The following UBE2O variants were observed in gnomAD, a reference collection of about 807,000 sequenced individuals.
UBE2O encodes ubiquitin conjugating enzyme E2 O.
In UBE2O, 15 loss-of-function variants were observed where a neutral mutation model predicts 125.8. The observed-to-expected ratio is 0.12, with a 90% CI of 0.08 to 0.18. UBE2O has a LOEUF of 0.18. Among genes scored for constraint, UBE2O ranks in the 10% least tolerant of loss-of-function variants. The pLI is 1.00. For missense variants in UBE2O, 1,280 were observed against 1,723.6 expected (o/e 0.74, Z 4.56); for synonymous variants, 708 against 703.2 (o/e 1.01, Z -0.11).
rs116822421 is a variant in UBE2O, at chr17:76,403,988, A to G, written c.588+1218T>C. 7.0e-3 allele frequency among the ~76,000 whole-genome samples: 1,069 copies of G among 152,328 alleles called. 11 individuals carry two copies. Among genetic ancestry groups the G allele is most frequent in the African/African-American group, 0.023 (976 of 41,566 alleles). On this transcript the variant is annotated intron_variant, in intron 3 of 17. Transcript: ENST00000319380. ...ACCAATGAATAAAACAGAAATCTCTAAGTCCATACTGATAAAAAAAAAGAA... is the reference window on the plus strand; with the variant it reads ...ACCAATGAATAAAACAGAAATCTCTGAGTCCATACTGATAAAAAAAAAGAA...
Position 76,404,876 on chromosome 17 carries a change from G to T in UBE2O, c.588+330C>A, listed in dbSNP as rs964297764. ...GGGACACAGGAATTTACAACTTTTG[G>T]TAAGTTTGAAATCATTAAAAAAATA... On this transcript the variant is annotated intron_variant, in intron 3 of 17. Transcript: ENST00000319380. This position sits in a 1 kb window ranked among gnomAD's most constrained non-coding sequence, Gnocchi z 4.3. Among the ~76,000 whole-genome samples the T allele has an allele frequency of 2.0e-5, 3 of 152,118 alleles. No individual in the cohort carries two copies. Among genetic ancestry groups the T allele is most frequent in the African/African-American group, 4.8e-5 (2 of 41,434 alleles).
chr17:76,436,795 T>C (rs1052297451), intron 1 of UBE2O, among the ~76,000 whole-genome samples: 2 of 151,956 alleles, frequency 1.3e-5, no homozygotes, highest in African/African-American at 4.8e-5. Flanking sequence ...TAGGACAGAG[T>C]ATAAAATGGG....
At chr17:76,451,783 T>G (rs1172011972) in intron 1 of UBE2O, among the ~76,000 whole-genome samples, 1 of 150,128 alleles carries the variant, frequency 6.7e-6, no homozygotes. Context: ...CAGGGGGGTG[T>G]GTGTGTGTGT....
chr17:76,413,550 GT>G (rs2072551596), intron 1 of UBE2O, among the ~76,000 whole-genome samples: 1 of 152,202 alleles, frequency 6.6e-6, no homozygotes, highest in African/African-American at 2.4e-5. Flanking sequence ...AACCCGTTCA[GT>G]TGCATATATA....
At chr17:76,427,270 T>C (rs2072827844) in intron 1 of UBE2O, among the ~76,000 whole-genome samples, 1 of 152,254 alleles carries the variant, frequency 6.6e-6, no homozygotes, top group Non-Finnish European at 1.5e-5. Flanking sequence ...TGAGAATTTA[T>C]GCTATTTGCT....
Position 76,399,474 on chromosome 17 carries a change from T to G in UBE2O, c.1603A>C (p.Thr535Pro), listed in dbSNP as rs560787739. 1 of 1,613,878 alleles carries G rather than the reference T, an allele frequency of 6.2e-7. No homozygotes were observed. The highest frequency in any genetic ancestry group is 1.3e-5 in the African/African-American group (1 of 74,962). Residue 535 changes from threonine (T) to proline (P), a missense_variant, in exon 9 of 18, where the codon ACT (threonine) becomes CCT (proline). Thr to Pro is a conservative substitution (Grantham distance 38). Around this residue, in one of 10 missense-constraint regions of UBE2O, gnomAD observed 145 missense variants for 219.6 expected, o/e 0.66. Transcript: ENST00000319380. This position sits in a 1 kb window ranked among gnomAD's most constrained non-coding sequence, Gnocchi z 6.9. ...RKHKRKKNKI[T>P]RDFKPGDRVA... ...CTGTCCCCTGGCTTGAAGTCTCGAGTGATTTTATTCTTCTTCCTCTTGTGT... is the reference window on the plus strand; with the variant it reads ...CTGTCCCCTGGCTTGAAGTCTCGAGGGATTTTATTCTTCTTCCTCTTGTGT...
intron 1 of UBE2O, among the ~76,000 whole-genome samples, chr17:76,408,726 A>G (rs1046391937): frequency 1.3e-5 from 2 of 152,236 alleles, no homozygotes; most frequent in Non-Finnish European, 2.9e-5. Flanking sequence ...GACAGGTGCC[A>G]GCCGGCCTGG....
At position 76,397,817 on chromosome 17, in the gene UBE2O, C is replaced by T; in HGVS notation, c.2097G>A (p.Lys699=). 6.2e-7 allele frequency: 1 copy of T among 1,614,196 alleles called. No homozygotes were observed. ...KVEVVWADNS[K]TIILPQHLYN... ...GCCTCACCTGGGGCAGGATGATGGT[C>T]TTTGAGTTGTCAGCCCACACCACCT... Residue 699 remains lysine, a synonymous_variant, in exon 13 of 18, where the codon AAG becomes AAA. Coordinates refer to ENST00000319380, the MANE Select transcript of UBE2O (RefSeq NM_022066.4).
chr17:76,420,640 G>C (rs1326835506), intron 1 of UBE2O, among the ~76,000 whole-genome samples: 1 of 152,182 alleles, frequency 6.6e-6, no homozygotes, highest in Non-Finnish European at 1.5e-5. Context: ...AGACAAACTG[G>C]GCTGGGGCGC....
intron 5 of UBE2O, among the ~76,000 whole-genome samples, chr17:76,401,453 G>A (rs979798577): frequency 3.9e-5 from 6 of 152,138 alleles, no homozygotes; most frequent in Admixed American, 6.5e-5. Flanking sequence ...GTTTGCTCAC[G>A]CACCCCCTGT....
chr17:76,402,025 C>A lies in UBE2O; in HGVS notation c.750+39G>T. ...GAAGTCCTCCTTCCAGAGGACTGAGCAATCAGAGAAGGGTGCTGGCCTGGA... is the reference window on the plus strand; with the variant it reads ...GAAGTCCTCCTTCCAGAGGACTGAGAAATCAGAGAAGGGTGCTGGCCTGGA... On this transcript the variant is annotated intron_variant, in intron 5 of 17. Transcript: ENST00000319380. This position sits in a 1 kb window ranked among gnomAD's most constrained non-coding sequence, Gnocchi z 5.4. 1 of 1,605,054 alleles carries A rather than the reference C, an allele frequency of 6.2e-7. No individual in the cohort carries two copies. Among genetic ancestry groups the A allele is most frequent in the Non-Finnish European group, 8.5e-7 (1 of 1,175,036 alleles).
Position 76,410,837 on chromosome 17 carries a change from CAATA to C in UBE2O, c.418-5269_418-5266del, listed in dbSNP as rs2072502865. On this transcript the variant is annotated intron_variant, in intron 1 of 17. Coordinates refer to ENST00000319380, the MANE Select transcript of UBE2O (RefSeq NM_022066.4). The surrounding 1 kb of genome is among the most constrained non-coding windows in gnomAD (Gnocchi z 4.0). ...GAGCTGCAGTCTTGAGGCTGACCCC[CAATA>C]ACACAGCAAAAGCAACTAGCTCGTC... 2.6e-5 allele frequency among the ~76,000 whole-genome samples: 4 copies of C among 152,190 alleles called. No individual in the cohort carries two copies.
intron 1 of UBE2O, among the ~76,000 whole-genome samples, chr17:76,429,869 T>C (rs2072875752): frequency 6.6e-6 from 1 of 152,200 alleles, no homozygotes; most frequent in Non-Finnish European, 1.5e-5. Context: ...TGCCCCTTGC[T>C]CTGCCCAAGG....
intron 1 of UBE2O, among the ~76,000 whole-genome samples, chr17:76,408,303 G>A (rs542966486): frequency 6.6e-6 from 1 of 152,284 alleles, no homozygotes; most frequent in Admixed American, 6.5e-5. Flanking sequence ...CTTCCTACCT[G>A]GCAGACAGTT....
At chr17:76,442,368 CG>C (rs1187987529) in intron 1 of UBE2O, among the ~76,000 whole-genome samples, 6 of 152,090 alleles carry the variant, frequency 3.9e-5, no homozygotes, top group Non-Finnish European at 8.8e-5. Flanking sequence ...ACACCTAGTA[CG>C]GGGGGTGGGA....
chr17:76,449,009 A>G (rs1484129487), intron 1 of UBE2O, among the ~76,000 whole-genome samples: 1 of 152,260 alleles, frequency 6.6e-6, no homozygotes, highest in East Asian at 1.9e-4. Context: ...AGTCCTTAAG[A>G]GGCTTAATTT....
Position 76,389,879 on chromosome 17 carries a change from C to G in UBE2O, c.*1064G>C, listed in dbSNP as rs931687697. On this transcript the variant is annotated 3_prime_UTR_variant, in exon 18 of 18. Transcript: ENST00000319380. ...CAACCTTAAATATTACATACATACA[C>G]CAAAAATTACATAGCTGCAATGTGC... is the stretch of plus-strand genomic sequence containing the variant. The G allele has an allele frequency of 1.3e-5, 2 of 152,414 alleles. No homozygotes were observed. Among genetic ancestry groups the G allele is most frequent in the Non-Finnish European group, 2.9e-5 (2 of 68,036 alleles). 9.4% of individuals were successfully genotyped at this position (152,414 alleles called of 1,614,324 possible).
chr17:76,438,470 G>A (rs1444763309), intron 1 of UBE2O, among the ~76,000 whole-genome samples: 6 of 151,926 alleles, frequency 3.9e-5, no homozygotes, highest in East Asian at 1.9e-4. Context: ...ACTACACCCC[G>A]GCTCAGCTGT....
chr17:76,398,108 ACT>A lies in UBE2O; in HGVS notation c.2025+145_2025+146del. 2 of 1,159,716 alleles carry A rather than the reference ACT, an allele frequency of 1.7e-6. No homozygotes were observed. Among genetic ancestry groups the A allele is most frequent in the Non-Finnish European group, 2.5e-6 (2 of 809,714 alleles). 71.8% of individuals were successfully genotyped at this position (1,159,716 alleles called of 1,614,324 possible). ...GCTGCTAGTGCTGAGCGGCAGCTTG[ACT>A]CTGGGGCAGCTGCCCTTCTGAGGAC... On this transcript the variant is annotated intron_variant, in intron 12 of 17. Coordinates refer to ENST00000319380, the MANE Select transcript of UBE2O (RefSeq NM_022066.4). This position sits in a 1 kb window ranked among gnomAD's most constrained non-coding sequence, Gnocchi z 5.4.
Sources: allele counts gnomAD v4.1 joint callset (sites outside exome capture counted in the v4.1 genomes callset), GRCh38; gene constraint gnomAD v4.1.1; regional missense constraint gnomAD v4.1.1; non-coding constraint Gnocchi (gnomAD v3.1); transcripts MANE v1.5; gene names NCBI Gene and HGNC (gene_info 2026-07-23, HGNC 2026-07-21).